CFH: variants seen among roughly 807,000 people sequenced by gnomAD.
The protein encoded by CFH is complement factor H, also known as H factor 1 (complement).
CFH carries 53 observed loss-of-function variants against 147.3 expected under a neutral mutation model. That is an observed-to-expected ratio of 0.36 (90% CI 0.29 to 0.45). The LOEUF (loss-of-function observed/expected upper bound fraction) is 0.45, where lower values mean the gene tolerates loss of function less well. Ranked by LOEUF, CFH falls within the 20% of genes least tolerant of loss-of-function variation. The pLI, the probability that CFH is intolerant of heterozygous loss-of-function variation, is 1.00. For missense variants in CFH, 1,380 were observed against 1,498.0 expected (o/e 0.92, Z 1.30); for synonymous variants, 536 against 489.4 (o/e 1.10, Z -1.26).
intron 18 of CFH, 181 bp downstream of exon 18, chr1:196,740,973 G>A (rs1296444000): frequency 1.6e-6 from 1 of 638,156 alleles, no homozygotes; most frequent in Non-Finnish European, 2.7e-6. Flanking sequence ...AGCCAAATTA[G>A]TTCATTTTCA....
chr1:196,710,106 G>T (rs10737679), intron 9 of CFH, among the ~76,000 whole-genome samples: 31,237 of 151,910 alleles, frequency 0.21, 3,694 homozygotes, highest in East Asian at 0.41. Flanking sequence ...AGCTGACTCA[G>T]GAAATAATGC....
At chr1:196,654,172 A>G (rs1666598553) in intron 1 of CFH, among the ~76,000 whole-genome samples, 1 of 152,148 alleles carries the variant, frequency 6.6e-6, no homozygotes, top group African/African-American at 2.4e-5. Context: ...TACCAAATTG[A>G]GAAGATAGTT....
intron 1 of CFH, among the ~76,000 whole-genome samples, chr1:196,657,560 C>T (rs1004343146): frequency 3.9e-5 from 6 of 151,932 alleles, no homozygotes. Flanking sequence ...GTGTGGGAGT[C>T]CTGGAATATA....
intron 18 of CFH, chr1:196,741,016 A>C (rs1558184675): frequency 1.8e-6 from 1 of 545,932 alleles, no homozygotes; most frequent in Non-Finnish European, 3.3e-6. Flanking sequence ...GCATCCTCTG[A>C]TGTATATTCT....
At chr1:196,734,700 C>A (rs1317708289) in intron 15 of CFH, among the ~76,000 whole-genome samples, 2 of 152,020 alleles carry the variant, frequency 1.3e-5, no homozygotes, top group Non-Finnish European at 1.5e-5. Flanking sequence ...TGGCATCGTG[C>A]TGATGTCACT....
intron 1 of CFH, among the ~76,000 whole-genome samples, chr1:196,658,927 G>C (rs1172955939): frequency 2.0e-5 from 3 of 152,126 alleles, no homozygotes; most frequent in African/African-American, 7.2e-5. Context: ...CACCAATGTA[G>C]TGTTTTGTAA....
chr1:196,700,185 C>G (rs1005638432), intron 9 of CFH, among the ~76,000 whole-genome samples: 2 of 152,176 alleles, frequency 1.3e-5, no homozygotes, highest in African/African-American at 4.8e-5. Context: ...AGCCACTCCC[C>G]CTTCAAAGAT....
At chr1:196,724,002 C>T (rs927502522) in intron 11 of CFH, among the ~76,000 whole-genome samples, 8 of 152,066 alleles carry the variant, frequency 5.3e-5, no homozygotes, top group African/African-American at 1.7e-4. Flanking sequence ...TGGATCTATA[C>T]TCCTCCCTTG....
intron 15 of CFH, among the ~76,000 whole-genome samples, chr1:196,731,973 T>A (rs1268368881): frequency 4.6e-5 from 7 of 152,070 alleles, no homozygotes; most frequent in Non-Finnish European, 1.0e-4. Flanking sequence ...TGACTATCTT[T>A]CATTAAACTT....
chr1:196,715,074 AT>A (rs1224139266), intron 10 of CFH, among the ~76,000 whole-genome samples: 1 of 152,006 alleles, frequency 6.6e-6, no homozygotes, highest in Non-Finnish European at 1.5e-5. Flanking sequence ...TTTACAAAAA[AT>A]GTTAGTCCTC....
chr1:196,698,461 A>G (rs958629219), intron 9 of CFH, among the ~76,000 whole-genome samples: 1 of 152,216 alleles, frequency 6.6e-6, no homozygotes, highest in African/African-American at 2.4e-5. Flanking sequence ...CAAATAAAGT[A>G]GAAAATCTGG....
At chr1:196,671,883 A>G (rs1476716776) in intron 1 of CFH, among the ~76,000 whole-genome samples, 2 of 149,766 alleles carry the variant, frequency 1.3e-5, no homozygotes, top group Admixed American at 6.7e-5. Context: ...GTGAACATAT[A>G]TATAAGAGCT....
chr1:196,695,758 C>A (rs916254433), intron 9 of CFH, among the ~76,000 whole-genome samples: 4 of 151,946 alleles, frequency 2.6e-5, no homozygotes, highest in Admixed American at 6.6e-5. Flanking sequence ...ATTTTATTTT[C>A]TTTGTGGCAA....
chr1:196,699,114 A>C (rs1214232014), intron 9 of CFH, among the ~76,000 whole-genome samples: 2 of 152,176 alleles, frequency 1.3e-5, no homozygotes, highest in East Asian at 3.9e-4. Context: ...ATATGTGTTC[A>C]TTTTTATAAG....
intron 9 of CFH, among the ~76,000 whole-genome samples, chr1:196,708,874 C>T (rs1196582085): frequency 2.0e-5 from 3 of 152,170 alleles, no homozygotes; most frequent in East Asian, 1.9e-4. Flanking sequence ...GCCTTCTAGG[C>T]ATCACGAGTC....
intron 9 of CFH, among the ~76,000 whole-genome samples, chr1:196,696,988 TTATAC>T (rs1241062547): frequency 1.1e-4 from 17 of 152,334 alleles, no homozygotes; most frequent in African/African-American, 4.1e-4. Context: ...TCGTTACACC[TTATAC>T]TAAAATTAAT....
At chr1:196,743,774 G>A in intron 20 of CFH, 146 bp downstream of exon 20, 20 of 1,197,736 alleles carry the variant, frequency 1.7e-5, no homozygotes, top group East Asian at 2.5e-5. Context: ...AATTCTTCCT[G>A]TGAACAGAAC....
chr1:196,683,722 A>C (rs1361072716), intron 6 of CFH, among the ~76,000 whole-genome samples: 2 of 151,840 alleles, frequency 1.3e-5, no homozygotes, highest in African/African-American at 4.8e-5. Context: ...TAAACTAAAG[A>C]CTTAAATCAG....
chr1:196,682,586 A>G (rs1667693345), intron 6 of CFH, among the ~76,000 whole-genome samples: 1 of 151,546 alleles, frequency 6.6e-6, no homozygotes, highest in Non-Finnish European at 1.5e-5. Flanking sequence ...AAATTGAGCT[A>G]TATCATAAGG....
Sources: allele counts gnomAD v4.1 joint callset (sites outside exome capture counted in the v4.1 genomes callset), GRCh38; gene constraint gnomAD v4.1.1; transcripts MANE v1.5; gene names NCBI Gene and HGNC (gene_info 2026-07-23, HGNC 2026-07-21).